Variants in WDFY4 observed in about 807,000 individuals in gnomAD.
The protein encoded by WDFY4 is WD repeat- and FYVE domain-containing protein 4.
In WDFY4, 169 loss-of-function variants were observed where a neutral mutation model predicts 351.9. That is an observed-to-expected ratio of 0.48 (90% CI 0.42 to 0.55). WDFY4 has a LOEUF of 0.55. Ranked by LOEUF, WDFY4 falls within the 20% of genes least tolerant of loss-of-function variation. The probability of loss-of-function intolerance (pLI) is 0.00; values close to 1 mark genes in which losing one functional copy is unlikely to be tolerated. For missense variants in WDFY4, 3,803 were observed against 3,935.6 expected (o/e 0.97, Z 0.90); for synonymous variants, 1,622 against 1,574.6 (o/e 1.03, Z -0.71).
At chr10:48,842,526 C>T (rs2068643117) in intron 39 of WDFY4, among the ~76,000 whole-genome samples, 1 of 152,180 alleles carries the variant, frequency 6.6e-6, no homozygotes, top group Non-Finnish European at 1.5e-5. Context: ...GAGGGGCTTT[C>T]TCCTGCAAGT....
chr10:48,875,565 T>A (rs1027985171), intron 42 of WDFY4, among the ~76,000 whole-genome samples: 2 of 152,134 alleles, frequency 1.3e-5, no homozygotes, highest in African/African-American at 2.4e-5. Flanking sequence ...CAGGTACACA[T>A]CACAATGCCC....
At chr10:48,946,674 G>A (rs1841058105) in intron 50 of WDFY4, among the ~76,000 whole-genome samples, 186 bp from the exon 51 acceptor site, 2 of 152,190 alleles carry the variant, frequency 1.3e-5, no homozygotes, top group South Asian at 4.1e-4. Context: ...ATCTTTAGAC[G>A]TTTTGCCACA....
chr10:48,697,969 C>T (rs571338697), intron 1 of WDFY4, among the ~76,000 whole-genome samples: 11 of 152,330 alleles, frequency 7.2e-5, no homozygotes, highest in East Asian at 1.9e-4. Context: ...TCCATCCCCA[C>T]GGGTGCGCCT....
At chr10:48,925,964 T>C (rs1033049918) in intron 47 of WDFY4, among the ~76,000 whole-genome samples, 3 of 152,130 alleles carry the variant, frequency 2.0e-5, no homozygotes, top group Non-Finnish European at 4.4e-5. Flanking sequence ...TCAGAGAAGT[T>C]AAGTGACTTC....
In WDFY4 at chr10:48,873,610, A is replaced by G. The variant is rs943394433; in HGVS notation, c.6861A>G (p.Glu2287=). ...AAACCAAGCCCTGTTCCCCATGGGA[A>G]CTCGACTGGAGAGAAGGACCAGCTC... is the stretch of plus-strand genomic sequence containing the variant. ...GEETKPCSPW[E]LDWREGPARM... Residue 2287 remains glutamate (E), a synonymous_variant, in exon 41 of 62, where the codon GAA becomes GAG. Transcript: ENST00000325239. The G allele has an allele frequency of 5.8e-6, 9 of 1,551,614 alleles. No homozygotes were observed. The highest frequency in any genetic ancestry group is 7.8e-6 in the Non-Finnish European group (9 of 1,147,002).
intron 5 of WDFY4, among the ~76,000 whole-genome samples, chr10:48,724,571 G>T (rs2132297290): frequency 6.6e-6 from 1 of 152,258 alleles, no homozygotes; most frequent in Admixed American, 6.5e-5. Context: ...GGGAAGTAGT[G>T]CAGGGTCTGT....
At chr10:48,881,643 C>A (rs1186615403) in intron 43 of WDFY4, among the ~76,000 whole-genome samples, 1 of 152,220 alleles carries the variant, frequency 6.6e-6, no homozygotes, top group Non-Finnish European at 1.5e-5. Context: ...CAGGAATTCA[C>A]ATGAATCAGA....
chr10:48,807,827 A>G lies in WDFY4; in HGVS notation c.4739-32A>G, dbSNP rs757907012. The G allele has an allele frequency of 4.5e-5, 70 of 1,546,154 alleles. No homozygotes were observed. The African/African-American group carries it at 8.9e-4, about 20-fold the overall frequency. On this transcript the variant is annotated intron_variant, in intron 27 of 61. Transcript: ENST00000325239. Reference sequence around the variant, plus strand: ...GCAAATATTATGTCTCTTTACATCCATTTTCTCTCAAATCTGAATTCTTTT... The same window carrying G: ...GCAAATATTATGTCTCTTTACATCCGTTTTCTCTCAAATCTGAATTCTTTT...
intron 55 of WDFY4, chr10:48,967,653 A>G (rs976571193): frequency 6.6e-6 from 1 of 152,236 alleles, no homozygotes; most frequent in African/African-American, 2.4e-5. Context: ...GGTGGTCCCA[A>G]CCAGCCCAGG....
intron 43 of WDFY4, among the ~76,000 whole-genome samples, chr10:48,880,141 A>G (rs2070187429): frequency 6.6e-6 from 1 of 152,164 alleles, no homozygotes; most frequent in Non-Finnish European, 1.5e-5. Context: ...GAGCCTTTGT[A>G]GGTGGCCTGA....
chr10:48,851,180 T>TA (rs2068944985), intron 39 of WDFY4, among the ~76,000 whole-genome samples: 1 of 152,182 alleles, frequency 6.6e-6, no homozygotes. Flanking sequence ...GTCATCCATC[T>TA]AGGGTCAGGA....
At chr10:48,953,024 C>A (rs764595970) in intron 51 of WDFY4, among the ~76,000 whole-genome samples, 1 of 152,156 alleles carries the variant, frequency 6.6e-6, no homozygotes, top group Non-Finnish European at 1.5e-5. Context: ...CTGTTGTCAT[C>A]CCACAGTCCT....
At chr10:48,969,432 C>G (rs1842237874) in intron 56 of WDFY4, among the ~76,000 whole-genome samples, 184 bp downstream of exon 56, 1 of 152,212 alleles carries the variant, frequency 6.6e-6, no homozygotes, top group Admixed American at 6.5e-5. Context: ...GGCCGGGCCT[C>G]AAACCCTCCT....
At chr10:48,758,868 A>G (rs1399355247) in intron 12 of WDFY4, among the ~76,000 whole-genome samples, 3 of 152,200 alleles carry the variant, frequency 2.0e-5, no homozygotes, top group African/African-American at 7.2e-5. Flanking sequence ...TAGTTCCAAC[A>G]TCTGTGACAT....
intron 55 of WDFY4, chr10:48,968,709 C>G (rs1000678699): frequency 3.7e-6 from 1 of 272,136 alleles, no homozygotes; most frequent in Non-Finnish European, 7.1e-6. Context: ...AATGACTTCA[C>G]CAGCATAACC....
chr10:48,697,148 C>A (rs2063351872), intron 1 of WDFY4, among the ~76,000 whole-genome samples: 1 of 152,202 alleles, frequency 6.6e-6, no homozygotes, highest in African/African-American at 2.4e-5. Context: ...CATGGAGCTA[C>A]TTGAGGTGGG....
At chr10:48,972,700 G>T (rs1590024384) in intron 57 of WDFY4, among the ~76,000 whole-genome samples, 2 of 152,088 alleles carry the variant, frequency 1.3e-5, no homozygotes, top group African/African-American at 4.8e-5. Flanking sequence ...TTGTTTTCTT[G>T]CGATAAACTT....
chr10:48,970,106 C>G (rs909054978), intron 56 of WDFY4, 25 bp from the exon 57 acceptor site: 1 of 1,549,510 alleles, frequency 6.5e-7, no homozygotes, highest in African/African-American at 1.4e-5. Flanking sequence ...TCCACAGCAG[C>G]GCTCATCCCC....
At chr10:48,921,502 T>C (rs1006289315) in intron 47 of WDFY4, among the ~76,000 whole-genome samples, 1 of 152,070 alleles carries the variant, frequency 6.6e-6, no homozygotes, top group Admixed American at 6.5e-5. Context: ...CTATAAAACT[T>C]TGAAAAGAAA....
Sources: gnomAD v4.1 joint callset for allele counts (sites outside exome capture counted in the v4.1 genomes callset) on GRCh38, gnomAD v4.1.1 for gene constraint, MANE v1.5 for transcripts, NCBI Gene and HGNC (gene_info 2026-07-23, HGNC 2026-07-21) for gene names.